RPS6KA3: variants seen among roughly 807,000 people sequenced by gnomAD.
RPS6KA3 encodes ribosomal protein S6 kinase alpha-3.
A neutral mutation model predicts 67.2 loss-of-function variants in RPS6KA3; 4 were observed. That is an observed-to-expected ratio of 0.06 (90% CI 0.03 to 0.14). The LOEUF (loss-of-function observed/expected upper bound fraction) is 0.14. RPS6KA3 is among the 10% of genes least tolerant of loss of function. The pLI, the probability that RPS6KA3 is intolerant of heterozygous loss-of-function variation, is 1.00. For missense variants in RPS6KA3, 204 were observed against 559.0 expected (o/e 0.36, Z 6.40); for synonymous variants, 182 against 183.7 (o/e 0.99, Z 0.07).
chrX:20,181,347 G>C (rs1364860257), intron 10 of RPS6KA3, among the ~76,000 whole-genome samples: 1 of 110,972 alleles, frequency 9.0e-6, no homozygotes, highest in East Asian at 2.8e-4. Flanking sequence ...GGTTAGAGAG[G>C]TGGAAGAAGT....
intron 2 of RPS6KA3, among the ~76,000 whole-genome samples, chrX:20,231,926 C>G (rs2069275583): frequency 9.0e-6 from 1 of 111,303 alleles, no homozygotes; most frequent in African/African-American, 3.3e-5. Flanking sequence ...TTTTAAACCA[C>G]CCAGTTTGTG....
intron 1 of RPS6KA3, among the ~76,000 whole-genome samples, chrX:20,246,764 C>A (rs2069701462): frequency 8.9e-6 from 1 of 112,062 alleles, no homozygotes; most frequent in African/African-American, 3.2e-5. Flanking sequence ...TATATTCTTA[C>A]AAACATCTTT....
chrX:20,174,676 T>C lies in RPS6KA3; in HGVS notation c.1227+488A>G, dbSNP rs771052991. On this transcript the variant is annotated intron_variant, in intron 14 of 21. Transcript: ENST00000379565. ...ACTCTACTTTCAAGTCACATAGGTA[T>C]CTAGGATTTTGGTTCTTGCAACCTT... Among the ~76,000 whole-genome samples the C allele has an allele frequency of 9.6e-4, 106 of 110,878 alleles. 1 individual carries two copies. Among genetic ancestry groups the C allele is most frequent in the African/African-American group, 3.2e-3 (98 of 30,425 alleles).
Position 20,266,765 on chromosome X carries a change from G to GGCA in RPS6KA3, c.-136_-134dup, listed in dbSNP as rs1260302072. ...CGGCGGCGGCAGCGGCAGCGGCAGCGGCAGCAGCAGCAGCAGCGGCGGCGG... is the reference window on the plus strand; with the variant it reads ...CGGCGGCGGCAGCGGCAGCGGCAGCGGCAGCAGCAGCAGCAGCAGCGGCGGCGG... On this transcript the variant is annotated 5_prime_UTR_variant, in exon 1 of 22. Transcript: ENST00000379565. 11 of 89,835 alleles carry GGCA rather than the reference G, an allele frequency of 1.2e-4. No individual in the cohort carries two copies. The highest frequency in any genetic ancestry group is 1.5e-4 in the Non-Finnish European group (10 of 64,790). The allele number at this position is 89,835 out of a possible 1,213,427, so 7.4% of individuals were successfully genotyped here.
chrX:20,239,378 C>T (rs1015346553), intron 1 of RPS6KA3, among the ~76,000 whole-genome samples: 4 of 111,891 alleles, frequency 3.6e-5, no homozygotes, highest in African/African-American at 6.5e-5. Flanking sequence ...CCATCATTCA[C>T]TACAGTCAAT....
At chrX:20,182,778 T>C (rs1278606591) in intron 10 of RPS6KA3, among the ~76,000 whole-genome samples, 1 of 111,942 alleles carries the variant, frequency 8.9e-6, no homozygotes, top group East Asian at 2.8e-4. Flanking sequence ...GGACAAAAAC[T>C]GCTTTCCAAA....
At chrX:20,180,651 T>C (rs151143469) in intron 10 of RPS6KA3, among the ~76,000 whole-genome samples, 1 of 111,754 alleles carries the variant, frequency 8.9e-6, no homozygotes, top group African/African-American at 3.2e-5. Context: ...ACCCAAATAA[T>C]CACATTCTTA....
intron 7 of RPS6KA3, among the ~76,000 whole-genome samples, chrX:20,193,262 G>A (rs1650791782): frequency 1.8e-5 from 2 of 110,458 alleles, no homozygotes; most frequent in African/African-American, 3.3e-5. Flanking sequence ...TGGGCAACAA[G>A]AGCAAAACTC....
chrX:20,243,055 T>TA lies in RPS6KA3; in HGVS notation c.70-8242dup, dbSNP rs776420783. On this transcript the variant is annotated intron_variant, in intron 1 of 21. Transcript: ENST00000379565. ...GAAACCCAAACCAAACAGATAAGTA[T>TA]AAAAAAAAAATAAAACAAGCGTTTA... Among the ~76,000 whole-genome samples the TA allele has an allele frequency of 2.4e-3, 250 of 105,336 alleles. 1 individual carries two copies. The highest frequency in any genetic ancestry group is 7.8e-3 in the African/African-American group (227 of 29,039). 91.5% of individuals were successfully genotyped at this position (105,336 alleles called of 115,157 possible). A position where few individuals can be genotyped will look rare whatever the true frequency, so the allele number is the denominator to read the frequency against.
intron 1 of RPS6KA3, among the ~76,000 whole-genome samples, chrX:20,248,374 G>C (rs2069760554): frequency 8.9e-6 from 1 of 112,179 alleles, no homozygotes; most frequent in Non-Finnish European, 1.9e-5. Context: ...GCTGGTTATT[G>C]GTTTGAGATG....
At chrX:20,189,893 A>G (rs2068080620) in intron 7 of RPS6KA3, among the ~76,000 whole-genome samples, 1 of 112,032 alleles carries the variant, frequency 8.9e-6, no homozygotes, top group African/African-American at 3.2e-5. Context: ...CAGTAGGGAC[A>G]TGTTTTTCAA....
chrX:20,217,047 C>A (rs2068873398), intron 2 of RPS6KA3, among the ~76,000 whole-genome samples: 1 of 111,775 alleles, frequency 8.9e-6, no homozygotes, highest in African/African-American at 3.3e-5. Flanking sequence ...AAAACAAAGT[C>A]AGTTCAGTTG....
chrX:20,175,301 A>C lies in RPS6KA3; in HGVS notation c.1103-13T>G. 1 of 1,207,744 alleles carries C rather than the reference A, an allele frequency of 8.3e-7. No individual in the cohort carries two copies. Reference sequence around the variant, plus strand: ...ATGCCAGGTGAATCTGAAAAGAGTAAGAAGTGACAAAGAAGATTCATTTGA... The same window carrying C: ...ATGCCAGGTGAATCTGAAAAGAGTACGAAGTGACAAAGAAGATTCATTTGA... On this transcript the variant is annotated splice_polypyrimidine_tract_variant and intron_variant, in intron 13 of 21. Coordinates refer to ENST00000379565, the MANE Select transcript of RPS6KA3 (RefSeq NM_004586.3).
chrX:20,195,499 T>C (rs780823834), intron 4 of RPS6KA3, among the ~76,000 whole-genome samples: 12 of 111,639 alleles, frequency 1.1e-4, no homozygotes, highest in African/African-American at 3.6e-4. Context: ...CAGTAAAACA[T>C]AAAAAATGAA....
chrX:20,220,088 G>A (rs2068950966), intron 2 of RPS6KA3, among the ~76,000 whole-genome samples: 1 of 110,906 alleles, frequency 9.0e-6, no homozygotes, highest in African/African-American at 3.3e-5. Flanking sequence ...CATTTATTGA[G>A]CAAACATTAG....
rs1406361341 is a variant in RPS6KA3 at position 20,151,428 on chromosome X, C to G, written c.*3970G>C. On this transcript the variant is annotated 3_prime_UTR_variant, in exon 22 of 22. Coordinates refer to ENST00000379565, the MANE Select transcript of RPS6KA3 (RefSeq NM_004586.3). ...AAATAAAAATACTGAGTTAAGTCAA[C>G]TTATCTGTGAATTAAGTAAGGCTCA... 8.9e-6 allele frequency: 1 copy of G among 112,453 alleles called. No individual in the cohort carries two copies. Among genetic ancestry groups the G allele is most frequent in the African/African-American group, 3.2e-5 (1 of 30,844 alleles). The allele number at this position is 112,453 out of a possible 1,213,427, so 9.3% of individuals were successfully genotyped here.
In RPS6KA3 at chrX:20,195,162, G is replaced by A; in HGVS notation, c.326-17C>T. On this transcript the variant is annotated splice_polypyrimidine_tract_variant and intron_variant, in intron 4 of 21. Coordinates refer to ENST00000379565, the MANE Select transcript of RPS6KA3 (RefSeq NM_004586.3). ...GGTCTCGAACTATAAAAGATTGTAT[G>A]TATGCTACATTGTAATATCTTTCAA... is the stretch of plus-strand genomic sequence containing the variant. 1 of 1,012,238 alleles carries A rather than the reference G, an allele frequency of 9.9e-7. No homozygotes were observed. Among genetic ancestry groups the A allele is most frequent in the Non-Finnish European group, 1.4e-6 (1 of 714,487 alleles). The allele number at this position is 1,012,238 out of a possible 1,213,427, so 83.4% of individuals were successfully genotyped here.
chrX:20,223,877 T>A (rs1221274927), intron 2 of RPS6KA3, among the ~76,000 whole-genome samples: 3 of 112,466 alleles, frequency 2.7e-5, no homozygotes, highest in African/African-American at 9.7e-5. Context: ...AATTCGCTGA[T>A]TTTTGAAATT....
At position 20,193,476 on chromosome X, in the gene RPS6KA3, T is replaced by C. The variant is rs372162695; in HGVS notation, c.593+11A>G. ...TTACATTGTATTCAACTTAGTAGCA[T>C]GATTCCTTACTTTTCTGGTTTTAAG... On this transcript the variant is annotated intron_variant, in intron 7 of 21. Coordinates refer to ENST00000379565, the MANE Select transcript of RPS6KA3 (RefSeq NM_004586.3). 3.4e-5 allele frequency: 33 copies of C among 983,858 alleles called. No individual in the cohort carries two copies. Among genetic ancestry groups the C allele is most frequent in the African/African-American group, 3.8e-5 (2 of 53,134 alleles). 81.1% of individuals were successfully genotyped at this position (983,858 alleles called of 1,213,427 possible).
Sources: allele counts gnomAD v4.1 joint callset (sites outside exome capture counted in the v4.1 genomes callset), GRCh38; gene constraint gnomAD v4.1.1; transcripts MANE v1.5; gene names NCBI Gene and HGNC (gene_info 2026-07-23, HGNC 2026-07-21).